ATP8A2: variants seen among roughly 807,000 people sequenced by gnomAD.
The protein encoded by ATP8A2 is ATPase phospholipid transporting 8A2.
A neutral mutation model predicts 165.6 loss-of-function variants in ATP8A2; 100 were observed. That is an observed-to-expected ratio of 0.60 (90% CI 0.51 to 0.71). The LOEUF (loss-of-function observed/expected upper bound fraction) is 0.71, where lower values mean the gene tolerates loss of function less well. Among genes scored for constraint, ATP8A2 ranks in the 30% least tolerant of loss-of-function variants. The pLI, the probability that ATP8A2 is intolerant of heterozygous loss-of-function variation, is 0.00. For missense variants in ATP8A2, 1,227 were observed against 1,479.5 expected (o/e 0.83, Z 2.80); for synonymous variants, 543 against 548.8 (o/e 0.99, Z 0.15).
At chr13:25,502,096 C>A (rs182547135) in intron 2 of ATP8A2, among the ~76,000 whole-genome samples, 1 of 152,326 alleles carries the variant, frequency 6.6e-6, no homozygotes, top group East Asian at 1.9e-4. Context: ...TAGAAAGCAA[C>A]CCTCTGAAGT....
intron 33 of ATP8A2, among the ~76,000 whole-genome samples, chr13:25,875,192 G>A (rs372491705): frequency 2.0e-5 from 3 of 151,948 alleles, no homozygotes; most frequent in South Asian, 2.1e-4. Context: ...GTGTGACTTC[G>A]GTTAACCATA....
intron 1 of ATP8A2, among the ~76,000 whole-genome samples, chr13:25,378,119 G>GA (rs963698828): frequency 5.2e-4 from 74 of 143,014 alleles, no homozygotes; most frequent in East Asian, 4.4e-3. Flanking sequence ...TTCCTCTAAA[G>GA]AAAAAAAAAA....
intron 33 of ATP8A2, among the ~76,000 whole-genome samples, chr13:25,896,477 T>G (rs1953551043): frequency 6.6e-6 from 1 of 151,712 alleles, no homozygotes; most frequent in Non-Finnish European, 1.5e-5. Context: ...TTGGAATAAG[T>G]GTAATGTGGT....
At chr13:25,603,987 T>C (rs2138389905) in intron 24 of ATP8A2, among the ~76,000 whole-genome samples, 1 of 152,046 alleles carries the variant, frequency 6.6e-6, no homozygotes, top group Admixed American at 6.6e-5. Context: ...CTGAATCAGG[T>C]CACCAGGATT....
At chr13:25,914,931 G>A (rs1954224581) in intron 33 of ATP8A2, among the ~76,000 whole-genome samples, 1 of 152,148 alleles carries the variant, frequency 6.6e-6, no homozygotes, top group Non-Finnish European at 1.5e-5. Flanking sequence ...GTTAGGATTT[G>A]GCTCACCTTT....
intron 1 of ATP8A2, among the ~76,000 whole-genome samples, chr13:25,393,865 G>A (rs2033332641): frequency 6.6e-6 from 1 of 152,186 alleles, no homozygotes; most frequent in Non-Finnish European, 1.5e-5. Flanking sequence ...TAGCTGGGAA[G>A]GGTCCAGAGT....
chr13:25,886,357 A>C (rs1321522661), intron 33 of ATP8A2, among the ~76,000 whole-genome samples: 3 of 152,158 alleles, frequency 2.0e-5, no homozygotes, highest in Non-Finnish European at 4.4e-5. Context: ...CTCAGTGTGG[A>C]AACGGTGGCA....
intron 1 of ATP8A2, among the ~76,000 whole-genome samples, chr13:25,424,467 A>ATCT: frequency 6.6e-6 from 1 of 152,296 alleles, no homozygotes; most frequent in African/African-American, 2.4e-5. Flanking sequence ...TCCTCTGAGT[A>ATCT]CTGCTCATGA....
chr13:26,012,527 G>A lies in ATP8A2; in HGVS notation c.3378-4G>A, dbSNP rs1956870559. On this transcript the variant is annotated splice_region_variant and splice_polypyrimidine_tract_variant and intron_variant, in intron 35 of 36. Transcript: ENST00000381655. The stretch of plus-strand genomic sequence containing the variant: ...AGAGACTGACGCGCTTGCTTTATCC[G>A]CAGGCTGAACGAGCGCGACCGCCTG... The A allele has an allele frequency of 6.5e-7, 1 of 1,538,938 alleles. No homozygotes were observed.
At chr13:25,901,582 A>G (rs1040160033) in intron 33 of ATP8A2, among the ~76,000 whole-genome samples, 15 of 152,238 alleles carry the variant, frequency 9.9e-5, no homozygotes, top group African/African-American at 3.4e-4. Context: ...TTAATTATCT[A>G]TTTGTTTTTC....
intron 2 of ATP8A2, among the ~76,000 whole-genome samples, chr13:25,513,803 A>G (rs1408903154): frequency 6.6e-6 from 1 of 152,312 alleles, no homozygotes; most frequent in Admixed American, 6.5e-5. Context: ...AAAAAAATAC[A>G]AAAACCAGTC....
At chr13:25,996,204 A>G (rs1710126043) in intron 35 of ATP8A2, among the ~76,000 whole-genome samples, 1 of 152,188 alleles carries the variant, frequency 6.6e-6, no homozygotes, top group African/African-American at 2.4e-5. Context: ...TAATTGGCTC[A>G]TGTTTTTAAA....
chr13:25,985,137 A>G (rs548597039), intron 35 of ATP8A2, among the ~76,000 whole-genome samples: 8 of 152,364 alleles, frequency 5.3e-5, no homozygotes, highest in Non-Finnish European at 1.0e-4. Context: ...TAATGCGGAG[A>G]ACGTGGTTTG....
At chr13:25,519,640 C>T (rs777406681) in intron 2 of ATP8A2, among the ~76,000 whole-genome samples, 6 of 152,094 alleles carry the variant, frequency 3.9e-5, no homozygotes, top group South Asian at 4.1e-4. Context: ...TTCCTGTTTG[C>T]GCCTGGTCAC....
intron 27 of ATP8A2, 75 bp from the exon 28 acceptor site, chr13:25,828,043 C>A: frequency 1.7e-6 from 2 of 1,194,172 alleles, no homozygotes; most frequent in Non-Finnish European, 2.5e-6. Flanking sequence ...GTCCACATTC[C>A]CGCTACTTCT....
At position 25,979,402 on chromosome 13, in the gene ATP8A2, G is replaced by T. The variant is rs182423316; in HGVS notation, c.3377+10723G>T. ...TAAATTCTTCTGTAGACCAGGACAC[G>T]TGAATGACTGTCACAGAGCCTGGAT... On this transcript the variant is annotated intron_variant, in intron 35 of 36. Transcript: ENST00000381655. 9.1e-4 allele frequency among the ~76,000 whole-genome samples: 138 copies of T among 152,288 alleles called. 2 individuals are homozygous for T. The highest frequency in any genetic ancestry group is 3.2e-3 in the African/African-American group (134 of 41,552).
chr13:25,861,162 C>CA (rs1465456648), intron 32 of ATP8A2, among the ~76,000 whole-genome samples: 1 of 151,940 alleles, frequency 6.6e-6, no homozygotes, highest in Non-Finnish European at 1.5e-5. Flanking sequence ...TATAGAAGGA[C>CA]AAAAAACATT....
At chr13:25,464,092 C>T (rs2035571605) in intron 1 of ATP8A2, among the ~76,000 whole-genome samples, 1 of 152,160 alleles carries the variant, frequency 6.6e-6, no homozygotes, top group South Asian at 2.1e-4. Flanking sequence ...TTCATCAAAA[C>T]CTACTGGCCC....
At chr13:25,844,453 A>T (rs533436629) in intron 30 of ATP8A2, among the ~76,000 whole-genome samples, 1 of 151,932 alleles carries the variant, frequency 6.6e-6, no homozygotes, top group South Asian at 2.1e-4. Context: ...CTGGTCTCGA[A>T]CTCCTGACCT....
Sources: allele counts gnomAD v4.1 joint callset (sites outside exome capture counted in the v4.1 genomes callset), GRCh38; gene constraint gnomAD v4.1.1; transcripts MANE v1.5; gene names NCBI Gene and HGNC (gene_info 2026-07-23, HGNC 2026-07-21).